PIK3C2G: variants seen among roughly 807,000 people sequenced by gnomAD.
PIK3C2G encodes phosphatidylinositol 3-kinase C2 domain-containing subunit gamma.
PIK3C2G carries 168 observed loss-of-function variants against 181.1 expected under a neutral mutation model. That is an observed-to-expected ratio of 0.93 (90% CI 0.82 to 1.05). PIK3C2G has a LOEUF of 1.05. PIK3C2G is among the 50% of genes least tolerant of loss of function. PIK3C2G has a pLI of 0.00. For synonymous variants in PIK3C2G, 573 were observed against 592.2 expected, an observed-to-expected ratio of 0.97 and a Z score of 0.47; for missense variants, 1,869 against 1,732.8, an observed-to-expected ratio of 1.08 and a Z score of -1.40.
At chr12:18,607,867 A>AC (rs879879627) in intron 30 of PIK3C2G, among the ~76,000 whole-genome samples, 28 of 152,180 alleles carry the variant, frequency 1.8e-4, no homozygotes, top group African/African-American at 6.0e-4. Flanking sequence ...AAAACAGACA[A>AC]CCCCATCAAC....
chr12:18,667,090 A>G, the PIK3C2G span, among the ~76,000 whole-genome samples: 1 of 152,186 alleles, frequency 6.6e-6, no homozygotes, highest in African/African-American at 2.4e-5. Context: ...TGCCAGAAAC[A>G]CTAGGCTTAA....
the PIK3C2G span, chr12:18,701,642 C>G: frequency 8.3e-6 from 11 of 1,317,984 alleles, no homozygotes; most frequent in Non-Finnish European, 1.1e-5. Flanking sequence ...CCTCCTCCTC[C>G]TCCTCCTCCT....
At chr12:18,677,208 A>G in the PIK3C2G span, among the ~76,000 whole-genome samples, 2 of 152,126 alleles carry the variant, frequency 1.3e-5, no homozygotes, top group African/African-American at 4.8e-5. Context: ...CCACAATATG[A>G]TGCACAAATA....
the PIK3C2G span, among the ~76,000 whole-genome samples, chr12:18,679,119 A>G: frequency 6.6e-6 from 1 of 152,028 alleles, no homozygotes; most frequent in Non-Finnish European, 1.5e-5. Context: ...AATCATTCAC[A>G]TATTTCCTTT....
chr12:18,498,070 C>T (rs1475658162), intron 22 of PIK3C2G, among the ~76,000 whole-genome samples: 1 of 152,056 alleles, frequency 6.6e-6, no homozygotes, highest in East Asian at 1.9e-4. Context: ...ATAAAGCCTA[C>T]TCATTTTTAA....
the PIK3C2G span, among the ~76,000 whole-genome samples, chr12:18,661,382 G>A: frequency 2.6e-5 from 4 of 151,914 alleles, no homozygotes. Flanking sequence ...AAAAAAGAGA[G>A]AGAGAGAATC....
chr12:18,433,259 G>A (rs921756040), intron 18 of PIK3C2G, among the ~76,000 whole-genome samples: 8 of 151,954 alleles, frequency 5.3e-5, no homozygotes, highest in African/African-American at 1.9e-4. Flanking sequence ...TCATGCCTAT[G>A]ATCCCAGTAC....
chr12:18,460,111 G>T (rs183562365), intron 18 of PIK3C2G, among the ~76,000 whole-genome samples: 1 of 152,122 alleles, frequency 6.6e-6, no homozygotes, highest in Admixed American at 6.6e-5. Context: ...ACTTATTAAG[G>T]CAGAGTGATA....
intron 22 of PIK3C2G, among the ~76,000 whole-genome samples, chr12:18,500,088 C>A (rs1941310226): frequency 6.6e-6 from 1 of 152,208 alleles, no homozygotes; most frequent in East Asian, 1.9e-4. Context: ...GTGTGGGAGC[C>A]CCTTTCTGGG....
chr12:18,450,662 A>G (rs756930354), intron 18 of PIK3C2G, among the ~76,000 whole-genome samples: 1 of 152,010 alleles, frequency 6.6e-6, no homozygotes, highest in East Asian at 1.9e-4. Context: ...GCTCGTGCCT[A>G]TGTTCCTGAG....
chr12:18,461,956 G>C (rs932658490), intron 18 of PIK3C2G, among the ~76,000 whole-genome samples: 2 of 152,262 alleles, frequency 1.3e-5, no homozygotes, highest in East Asian at 3.9e-4. Context: ...GCATCACTCT[G>C]ACCTCTGCTT....
chr12:18,546,351 G>A lies in PIK3C2G; in HGVS notation c.3509G>A (p.Ser1170Asn), dbSNP rs534198948. 2.5e-6 allele frequency: 4 copies of A among 1,598,558 alleles called. No individual in the cohort carries two copies. Among genetic ancestry groups the A allele is most frequent in the African/African-American group, 2.7e-5 (2 of 74,698 alleles). Residue 1170 changes from serine to asparagine, a missense_variant, in exon 26 of 33, where the codon AGT becomes AAT. Physicochemically the swap from Ser to Asn is conservative, Grantham distance 46. Transcript: ENST00000538779. ...CTGTATGCAGGACTGCCTGAGCTAA[G>A]TGGAATTCAAGACCTGAAATATGTG... is the stretch of plus-strand genomic sequence containing the variant. ...MMLYAGLPEL[S>N]GIQDLKYVYN... is the part of the protein sequence containing the mutation.
the PIK3C2G span, among the ~76,000 whole-genome samples, chr12:18,710,175 C>T: frequency 6.8e-6 from 1 of 147,802 alleles, no homozygotes; most frequent in Admixed American, 6.9e-5. Context: ...TTTTTCTTAT[C>T]TAGTTGCCCA....
chr12:18,402,147 A>G (rs1944281276), intron 16 of PIK3C2G, among the ~76,000 whole-genome samples: 1 of 152,204 alleles, frequency 6.6e-6, no homozygotes, highest in Admixed American at 6.5e-5. Flanking sequence ...TAATCAATAG[A>G]TATGTAAAAT....
chr12:18,547,462 A>T (rs961173043), intron 26 of PIK3C2G, among the ~76,000 whole-genome samples: 3 of 151,986 alleles, frequency 2.0e-5, no homozygotes, highest in Non-Finnish European at 4.4e-5. Context: ...AAGAGCCTTT[A>T]TAGTTTATTT....
chr12:18,722,420 G>C, the PIK3C2G span, among the ~76,000 whole-genome samples: 3 of 152,076 alleles, frequency 2.0e-5, no homozygotes, highest in Admixed American at 6.6e-5. Context: ...ATCCAATGCA[G>C]AAATAAGTTT....
chr12:18,405,855 C>T (rs988123335), intron 16 of PIK3C2G, among the ~76,000 whole-genome samples: 4 of 151,990 alleles, frequency 2.6e-5, no homozygotes, highest in Admixed American at 2.6e-4. Context: ...TTAACAAAGT[C>T]ATCATCTCAC....
chr12:18,334,621 C>A (rs1398717227), intron 8 of PIK3C2G, among the ~76,000 whole-genome samples: 4 of 151,624 alleles, frequency 2.6e-5, no homozygotes, highest in African/African-American at 7.3e-5. Context: ...CAGTGTTCAA[C>A]TTTTTTTTTC....
At chr12:18,576,763 G>GCA (rs1264182043) in intron 29 of PIK3C2G, among the ~76,000 whole-genome samples, 5 of 152,110 alleles carry the variant, frequency 3.3e-5, no homozygotes, top group African/African-American at 1.2e-4. Context: ...AGTGATTTTT[G>GCA]CATGTTAAAG....
Sources: allele counts gnomAD v4.1 joint callset (sites outside exome capture counted in the v4.1 genomes callset), GRCh38; gene constraint gnomAD v4.1.1; transcripts MANE v1.5; gene names NCBI Gene and HGNC (gene_info 2026-07-23, HGNC 2026-07-21).